FAAH2: variants seen among roughly 807,000 people sequenced by gnomAD.
The protein encoded by FAAH2 is fatty-acid amide hydrolase 2.
Under a neutral mutation model 36.9 loss-of-function variants are expected in FAAH2, and 60 were observed. The observed-to-expected ratio is 1.63, with a 90% CI of 1.32 to 2.02. The LOEUF is 2.02. Among genes scored for constraint, FAAH2 ranks in the 30% most tolerant of loss-of-function variants. The probability of loss-of-function intolerance (pLI) is 0.00; values close to 1 mark genes in which losing one functional copy is unlikely to be tolerated. For missense variants in FAAH2, 689 were observed against 397.5 expected, an observed-to-expected ratio of 1.73 and a Z score of -6.23; for synonymous variants, 214 against 143.8, an observed-to-expected ratio of 1.49 and a Z score of -3.49.
At chrX:57,395,325 C>T (rs926392259) in intron 7 of FAAH2, 7 of 663,964 alleles carry the variant, frequency 1.1e-5, no homozygotes, top group Middle Eastern at 3.2e-4. Context: ...AGGTACTTGT[C>T]CTTCAACTGA....
At chrX:57,455,046 A>G (rs1165041353) in intron 10 of FAAH2, among the ~76,000 whole-genome samples, 1 of 111,659 alleles carries the variant, frequency 9.0e-6, no homozygotes, top group Non-Finnish European at 1.9e-5. Flanking sequence ...AAAAGTAGCT[A>G]AAGAGAAAAA....
At chrX:57,430,912 C>A (rs143948782) in intron 7 of FAAH2, among the ~76,000 whole-genome samples, 1,709 of 111,932 alleles carry the variant, frequency 0.015, 12 homozygotes, top group Non-Finnish European at 0.02. Context: ...GGGAGAAGAT[C>A]TTAAATGATA....
chrX:57,298,794 A>T (rs1357941720), intron 2 of FAAH2, among the ~76,000 whole-genome samples: 1 of 90,340 alleles, frequency 1.1e-5, no homozygotes, highest in Non-Finnish European at 2.2e-5. Context: ...ATCCCACAGA[A>T]ATACAAACTA....
rs762837989 is a variant in FAAH2 at position 57,353,491 on chromosome X, A to AAAG, written c.742+12103_742+12104insGAA. 1.2e-3 allele frequency among the ~76,000 whole-genome samples: 131 copies of AAAG among 107,417 alleles called. 1 individual carries two copies. The highest frequency in any genetic ancestry group is 1.6e-3 in the Non-Finnish European group (84 of 51,798). The allele number at this position is 107,417 out of a possible 115,157, so 93.3% of individuals were successfully genotyped here. A position where few individuals can be genotyped will look rare whatever the true frequency, so the allele number is the denominator to read the frequency against. ...AAACAGAAGACCCCAAATTATTAAA[A>AAAG]AAAAAAAAAGAAAAAAAAGAAAACC... is the stretch of plus-strand genomic sequence containing the variant. On this transcript the variant is annotated intron_variant, in intron 5 of 10. Coordinates refer to ENST00000374900, the MANE Select transcript of FAAH2 (RefSeq NM_174912.4).
intron 10 of FAAH2, among the ~76,000 whole-genome samples, chrX:57,472,526 T>C (rs1212998404): frequency 2.7e-5 from 3 of 111,783 alleles, no homozygotes; most frequent in Non-Finnish European, 5.7e-5. Flanking sequence ...ACTTTGATTT[T>C]TTGGAATAGC....
At chrX:57,262,301 A>G in the FAAH2 span, among the ~76,000 whole-genome samples, 1 of 111,644 alleles carries the variant, frequency 9.0e-6, no homozygotes, top group African/African-American at 3.2e-5. Flanking sequence ...GTGCTTCAAA[A>G]CACACTTGAA....
the FAAH2 span, among the ~76,000 whole-genome samples, chrX:57,180,761 G>T: frequency 9.0e-6 from 1 of 111,123 alleles, no homozygotes; most frequent in Admixed American, 9.6e-5. Flanking sequence ...AATAAGGAAG[G>T]TCTCCTCCCC....
the FAAH2 span, among the ~76,000 whole-genome samples, chrX:57,235,343 G>T: frequency 9.0e-6 from 1 of 111,512 alleles, no homozygotes. Flanking sequence ...GTTGGGGATG[G>T]TACATGACTT....
chrX:57,441,088 A>C (rs1410536416), intron 8 of FAAH2, among the ~76,000 whole-genome samples: 1 of 111,353 alleles, frequency 9.0e-6, no homozygotes, highest in African/African-American at 3.3e-5. Context: ...TGTTTCTGCC[A>C]GGCTTTGGTA....
chrX:57,279,247 A>G, the FAAH2 span, among the ~76,000 whole-genome samples: 1 of 112,764 alleles, frequency 8.9e-6, no homozygotes, highest in Admixed American at 9.4e-5. Context: ...TGTGGCACAT[A>G]TACACCATGG....
rs2055191052 is a variant in FAAH2 at position 57,392,536 on chromosome X, G to A, written c.996+11507G>A. On this transcript the variant is annotated intron_variant, in intron 7 of 10. Coordinates refer to ENST00000374900, the MANE Select transcript of FAAH2 (RefSeq NM_174912.4). Reference sequence around the variant, plus strand: ...CCTACTATTAGTTTCAGATCTTCTGGGCAGGGGCTGACTCTTGGCTGCCTT... The same window carrying A: ...CCTACTATTAGTTTCAGATCTTCTGAGCAGGGGCTGACTCTTGGCTGCCTT... 3.9e-6 allele frequency: 3 copies of A among 773,058 alleles called. No homozygotes were observed. In the African/African-American group the frequency reaches 6.2e-5, roughly 16 times the overall value. 63.7% of individuals were successfully genotyped at this position (773,058 alleles called of 1,213,427 possible).
chrX:57,228,027 T>G, the FAAH2 span, among the ~76,000 whole-genome samples: 2 of 111,918 alleles, frequency 1.8e-5, no homozygotes, highest in Admixed American at 1.9e-4. Context: ...TGTTTCCAGG[T>G]GAAGGGCCAG....
the FAAH2 span, among the ~76,000 whole-genome samples, chrX:57,144,712 A>G: frequency 9.1e-6 from 1 of 110,216 alleles, no homozygotes; most frequent in Admixed American, 9.7e-5. Flanking sequence ...CCGTTGTATC[A>G]TTCTTCTGCC....
At chrX:57,483,328 G>T (rs2057414708) in intron 10 of FAAH2, among the ~76,000 whole-genome samples, 1 of 110,737 alleles carries the variant, frequency 9.0e-6, no homozygotes, top group African/African-American at 3.3e-5. Context: ...ACTTTATTTT[G>T]AAATTCCTTA....
intron 5 of FAAH2, among the ~76,000 whole-genome samples, chrX:57,349,340 G>A (rs1301107586): frequency 4.2e-5 from 4 of 94,497 alleles, no homozygotes; most frequent in Non-Finnish European, 8.2e-5. Context: ...CATATATAAT[G>A]TTTTATACAC....
At chrX:57,355,429 T>C (rs1408159832) in intron 5 of FAAH2, among the ~76,000 whole-genome samples, 1 of 111,155 alleles carries the variant, frequency 9.0e-6, no homozygotes, top group Non-Finnish European at 1.9e-5. Context: ...GAAAAAATAA[T>C]CCATGGACAT....
intron 2 of FAAH2, among the ~76,000 whole-genome samples, chrX:57,296,434 C>T (rs1028661273): frequency 9.0e-6 from 1 of 111,524 alleles, no homozygotes; most frequent in Non-Finnish European, 1.9e-5. Flanking sequence ...AGGACATCCA[C>T]ACCAAAAATC....
chrX:57,245,694 A>C, the FAAH2 span, among the ~76,000 whole-genome samples: 2 of 112,545 alleles, frequency 1.8e-5, no homozygotes, highest in Non-Finnish European at 3.8e-5. Flanking sequence ...CAAAAACACA[A>C]TGTGGCAGAA....
At chrX:57,151,226 A>G in the FAAH2 span, among the ~76,000 whole-genome samples, 1 of 111,426 alleles carries the variant, frequency 9.0e-6, no homozygotes, top group East Asian at 2.8e-4. Flanking sequence ...GATGAATCTG[A>G]CAATTATGTG....
Sources: gnomAD v4.1 joint callset for allele counts (sites outside exome capture counted in the v4.1 genomes callset) on GRCh38, gnomAD v4.1.1 for gene constraint, MANE v1.5 for transcripts, NCBI Gene and HGNC (gene_info 2026-07-23, HGNC 2026-07-21) for gene names.